Variants in ST8SIA6 observed in about 807,000 individuals in gnomAD.
ST8SIA6 encodes alpha-2,8-sialyltransferase 8F.
In ST8SIA6, 39 loss-of-function variants were observed where a neutral mutation model predicts 33.6. That is an observed-to-expected ratio of 1.16 (90% CI 0.90 to 1.52). The LOEUF is 1.52. Among genes scored for constraint, ST8SIA6 ranks in the 40% most tolerant of loss-of-function variants. The probability of loss-of-function intolerance (pLI) is 0.00; values close to 1 mark genes in which losing one functional copy is unlikely to be tolerated. For synonymous variants in ST8SIA6, 172 were observed against 167.2 expected (o/e 1.03, Z -0.22); for missense variants, 441 against 443.8 (o/e 0.99, Z 0.06).
intron 2 of ST8SIA6, among the ~76,000 whole-genome samples, chr10:17,391,104 C>T (rs1396587674): frequency 6.6e-6 from 1 of 152,138 alleles, no homozygotes; most frequent in Non-Finnish European, 1.5e-5. Flanking sequence ...ATGATCCATC[C>T]GCATCAGCCT....
At chr10:17,325,455 CTACTACTGTAATATATATGTGATTAT>C (rs1848102326) in intron 6 of ST8SIA6, among the ~76,000 whole-genome samples, 1 of 147,414 alleles carries the variant, frequency 6.8e-6, no homozygotes. Context: ...ATATATTTTA[CTACTACTGTAATATATATGTGATTAT>C]ATATTACTAC....
intron 2 of ST8SIA6, among the ~76,000 whole-genome samples, chr10:17,417,594 T>C (rs541443491): frequency 1.4e-4 from 21 of 151,786 alleles, no homozygotes; most frequent in Non-Finnish European, 2.5e-4. Flanking sequence ...TCTGGCATGC[T>C]CCCTGCACAT....
rs540519371 is a variant in ST8SIA6, at chr10:17,442,369, T to A, written c.200+11190A>T. Among the ~76,000 whole-genome samples, 10 of 152,298 alleles carry A rather than the reference T, an allele frequency of 6.6e-5. No individual in the cohort carries two copies. In the East Asian group the frequency reaches 1.3e-3, roughly 21 times the overall value. On this transcript the variant is annotated intron_variant, in intron 2 of 7. Transcript: ENST00000377602. ...AGTGATATACGACAAAATCAAAAAA[T>A]TTATGTGAACACTTTTTAGCTTAGA...
At chr10:17,338,304 A>T (rs761034253) in intron 4 of ST8SIA6, among the ~76,000 whole-genome samples, 1 of 152,222 alleles carries the variant, frequency 6.6e-6, no homozygotes, top group African/African-American at 2.4e-5. Context: ...AAGTGTTGGG[A>T]TTACAGGCGT....
chr10:17,359,664 T>TA (rs1378599849), intron 3 of ST8SIA6, 64 bp from the exon 4 acceptor site: 18 of 1,050,346 alleles, frequency 1.7e-5, no homozygotes, highest in Non-Finnish European at 2.5e-5. Context: ...TCTTAGAAGA[T>TA]ACTGTTATAA....
chr10:17,365,713 T>C (rs1023277720), intron 3 of ST8SIA6, among the ~76,000 whole-genome samples: 1 of 152,134 alleles, frequency 6.6e-6, no homozygotes, highest in African/African-American at 2.4e-5. Flanking sequence ...TCTTGAAAAA[T>C]ATCCCATGCA....
intron 2 of ST8SIA6, chr10:17,407,839 C>G (rs1222195007): frequency 6.6e-6 from 1 of 152,256 alleles, no homozygotes; most frequent in Non-Finnish European, 1.5e-5. Context: ...AGACTTCACA[C>G]ACAAGAAATG....
At chr10:17,440,834 T>C (rs1852461579) in intron 2 of ST8SIA6, among the ~76,000 whole-genome samples, 1 of 152,228 alleles carries the variant, frequency 6.6e-6, no homozygotes, top group Admixed American at 6.5e-5. Context: ...ATTGGGGTTT[T>C]GGTTTGCATT....
chr10:17,382,335 G>T (rs915723818), intron 3 of ST8SIA6, among the ~76,000 whole-genome samples: 5 of 151,766 alleles, frequency 3.3e-5, no homozygotes, highest in African/African-American at 1.2e-4. Context: ...GTACAATTTT[G>T]GCTCACTGCA....
At chr10:17,390,068 C>T (rs1204814970) in intron 3 of ST8SIA6, among the ~76,000 whole-genome samples, 8 of 152,174 alleles carry the variant, frequency 5.3e-5, no homozygotes, top group African/African-American at 1.7e-4. Flanking sequence ...TAGCTCACTG[C>T]AACCTTGAAT....
intron 2 of ST8SIA6, among the ~76,000 whole-genome samples, chr10:17,428,445 T>G (rs1852000571): frequency 6.6e-6 from 1 of 152,174 alleles, no homozygotes; most frequent in Non-Finnish European, 1.5e-5. Context: ...GGGTAGTCCC[T>G]GCTGTTGCAT....
chr10:17,353,238 G>C (rs555557123), intron 4 of ST8SIA6, among the ~76,000 whole-genome samples: 1 of 152,254 alleles, frequency 6.6e-6, no homozygotes, highest in South Asian at 2.1e-4. Context: ...TGCTTTTGCA[G>C]AAATAGTTCA....
intron 3 of ST8SIA6, among the ~76,000 whole-genome samples, chr10:17,368,297 C>T (rs1393354932): frequency 1.4e-5 from 2 of 143,610 alleles, no homozygotes; most frequent in African/African-American, 5.2e-5. Context: ...ATGCCAGCTA[C>T]TCGTGAGGCT....
intron 4 of ST8SIA6, among the ~76,000 whole-genome samples, chr10:17,337,202 A>T (rs1348385506): frequency 6.6e-6 from 1 of 152,084 alleles, no homozygotes; most frequent in Non-Finnish European, 1.5e-5. Flanking sequence ...GTCTTCCGCC[A>T]TGATTATAAG....
chr10:17,365,475 A>G (rs1342252262), intron 3 of ST8SIA6, among the ~76,000 whole-genome samples: 2 of 152,156 alleles, frequency 1.3e-5, no homozygotes, highest in Admixed American at 6.6e-5. Context: ...GAAATAAACA[A>G]TTCATAAGTT....
chr10:17,337,161 C>CTGCTCT (rs1848530496), intron 4 of ST8SIA6, among the ~76,000 whole-genome samples: 1 of 151,908 alleles, frequency 6.6e-6, no homozygotes, highest in African/African-American at 2.4e-5. Flanking sequence ...TCTCTTCCTC[C>CTGCTCT]GGCCGTTTAA....
chr10:17,454,241 G>GC lies in ST8SIA6; in HGVS notation c.14dup (p.Ala6ArgfsTer61). 2 of 243,598 alleles carry GC rather than the reference G, an allele frequency of 8.2e-6. No individual in the cohort carries two copies. The highest frequency in any genetic ancestry group is 1.5e-5 in the Non-Finnish European group (2 of 129,348). The allele number at this position is 243,598 out of a possible 1,614,324, so 15.1% of individuals were successfully genotyped here. A position where few individuals can be genotyped will look rare whatever the true frequency, so the allele number is the denominator to read the frequency against. On this transcript the variant is annotated frameshift_variant, in exon 1 of 8. Coordinates refer to ENST00000377602, the MANE Select transcript of ST8SIA6 (RefSeq NM_001004470.3). LOFTEE classifies it high-confidence loss of function. The surrounding 1 kb of genome is among the most constrained non-coding windows in gnomAD (Gnocchi z 4.1). ...GGCTGGCGAGCAGGGCGAGCAGTGC[G>GC]CCCCCCGGCCGCATCCTGAGCCACA...
chr10:17,412,256 C>T (rs1486814547), intron 2 of ST8SIA6, among the ~76,000 whole-genome samples: 1 of 152,130 alleles, frequency 6.6e-6, no homozygotes, highest in Non-Finnish European at 1.5e-5. Flanking sequence ...ATCCCAGGCC[C>T]TCCAACCTCC....
chr10:17,413,717 G>A (rs1851522536), intron 2 of ST8SIA6, among the ~76,000 whole-genome samples: 1 of 152,036 alleles, frequency 6.6e-6, no homozygotes, highest in South Asian at 2.1e-4. Context: ...AATCTAGTTA[G>A]CATGTTATCA....
Sources: gnomAD v4.1 joint callset for allele counts (sites outside exome capture counted in the v4.1 genomes callset) on GRCh38, gnomAD v4.1.1 for gene constraint, Gnocchi (gnomAD v3.1) non-coding constraint, MANE v1.5 for transcripts, NCBI Gene and HGNC (gene_info 2026-07-23, HGNC 2026-07-21) for gene names.